CALD1: variants seen among roughly 807,000 people sequenced by gnomAD.
CALD1 encodes the protein caldesmon.
A neutral mutation model predicts 99.9 loss-of-function variants in CALD1; 33 were observed. That is an observed-to-expected ratio of 0.33 (90% confidence interval 0.25 to 0.44). CALD1 has a LOEUF of 0.44. Ranked by LOEUF, CALD1 falls within the 20% of genes least tolerant of loss-of-function variation. The probability of loss-of-function intolerance (pLI) is 1.00; values close to 1 mark genes in which losing one functional copy is unlikely to be tolerated. For synonymous variants in CALD1, 310 were observed against 325.0 expected (o/e 0.95, Z 0.50); for missense variants, 861 against 962.1 (o/e 0.89, Z 1.39).
chr7:134,787,998 C>T (rs1261696697), intron 1 of CALD1, among the ~76,000 whole-genome samples: 1 of 152,136 alleles, frequency 6.6e-6, no homozygotes. Context: ...CATCTGGACT[C>T]AGTCTCCTTC....
chr7:134,791,434 GTGATCTGCCCACTTTGGCCTCTCAAAGT>G (rs1797529877), intron 1 of CALD1, among the ~76,000 whole-genome samples: 1 of 152,160 alleles, frequency 6.6e-6, no homozygotes, highest in South Asian at 2.1e-4. Context: ...CTGACCTCAA[GTGATCTGCCCACTTTGGCCTCTCAAAGT>G]GCTGGGATTA....
intron 1 of CALD1, among the ~76,000 whole-genome samples, chr7:134,815,848 G>C (rs564702241): frequency 6.6e-6 from 1 of 152,216 alleles, no homozygotes; most frequent in Non-Finnish European, 1.5e-5. Context: ...AACATTTTAA[G>C]ATATCTATCC....
chr7:134,934,450 C>T (rs1586356477), intron 5 of CALD1, among the ~76,000 whole-genome samples: 1 of 152,144 alleles, frequency 6.6e-6, no homozygotes, highest in Non-Finnish European at 1.5e-5. Flanking sequence ...AATTATCTTT[C>T]CTCTATCCAT....
chr7:134,890,665 AC>A lies in CALD1; in HGVS notation c.71+22866del, dbSNP rs949293135. The stretch of plus-strand genomic sequence containing the variant: ...GTCATCTCCAGACAGAATCAACACC[AC>A]CCCCTCCTCAGGAACTGGGATTTGG... On this transcript the variant is annotated intron_variant, in intron 3 of 14. Coordinates refer to ENST00000361675, the MANE Select transcript of CALD1 (RefSeq NM_033138.4). Among the ~76,000 whole-genome samples the A allele has an allele frequency of 4.0e-5, 6 of 151,632 alleles. No homozygotes were observed. The East Asian group carries it at 5.8e-4, about 15-fold the overall frequency.
chr7:134,821,506 C>A (rs2132004837), intron 1 of CALD1, among the ~76,000 whole-genome samples: 1 of 151,534 alleles, frequency 6.6e-6, no homozygotes, highest in African/African-American at 2.4e-5. Flanking sequence ...CAATTTATTT[C>A]TGAGTGCTAG....
chr7:134,850,012 C>T (rs146981416), intron 2 of CALD1, among the ~76,000 whole-genome samples: 1 of 152,272 alleles, frequency 6.6e-6, no homozygotes, highest in Non-Finnish European at 1.5e-5. Flanking sequence ...AAGAAATGGT[C>T]AAAGTGTGAA....
exon 1 of CALD1, chr7:134,744,301 A>G (rs1246703174): frequency 6.6e-6 from 1 of 152,224 alleles, no homozygotes; most frequent in African/African-American, 2.4e-5. Context: ...CATTCTCAGG[A>G]GGCAAGACTG....
At chr7:134,964,153 C>T (rs574590294) in intron 13 of CALD1, among the ~76,000 whole-genome samples, 1 of 152,228 alleles carries the variant, frequency 6.6e-6, no homozygotes. Flanking sequence ...GCCGAGATTG[C>T]GCCACTGCAC....
intron 1 of CALD1, among the ~76,000 whole-genome samples, chr7:134,828,592 A>C (rs1799098637): frequency 6.6e-6 from 1 of 152,162 alleles, no homozygotes; most frequent in Non-Finnish European, 1.5e-5. Context: ...GATTCACTAC[A>C]TTCTGAGTAA....
chr7:134,871,493 CA>C lies in CALD1; in HGVS notation c.71+3690del, dbSNP rs760942310. The stretch of plus-strand genomic sequence containing the variant: ...TACTGAGAATAGACCCACAGAGTAA[CA>C]GTGTTGGGAAGTGTGTGCTTAGTGC... On this transcript the variant is annotated intron_variant, in intron 3 of 14. Transcript: ENST00000361675. Among the ~76,000 whole-genome samples the C allele has an allele frequency of 2.0e-5, 3 of 152,122 alleles. No individual in the cohort carries two copies. In the East Asian group the frequency reaches 5.8e-4, roughly 29 times the overall value.
chr7:134,814,673 T>C (rs1362083208), intron 1 of CALD1, among the ~76,000 whole-genome samples: 1 of 152,186 alleles, frequency 6.6e-6, no homozygotes, highest in Non-Finnish European at 1.5e-5. Context: ...CCTTGTTTAA[T>C]GCTTCAGTGC....
At chr7:134,928,150 G>T in intron 3 of CALD1, 2 of 261,130 alleles carry the variant, frequency 7.7e-6, no homozygotes, top group South Asian at 7.0e-5. Flanking sequence ...AATCTTACAA[G>T]GCCAGGCCCG....
the CALD1 span, among the ~76,000 whole-genome samples, chr7:134,717,506 C>A: frequency 1.3e-5 from 2 of 152,286 alleles, no homozygotes; most frequent in Admixed American, 1.3e-4. Context: ...CTGCTTTGAT[C>A]CTGAGAATGA....
chr7:134,798,093 A>G (rs1797815083), intron 1 of CALD1, among the ~76,000 whole-genome samples: 1 of 152,116 alleles, frequency 6.6e-6, no homozygotes, highest in African/African-American at 2.4e-5. Context: ...CTTTATTTGG[A>G]TTGTTTTAGG....
At chr7:134,812,429 T>C (rs1478631236) in intron 1 of CALD1, among the ~76,000 whole-genome samples, 1 of 152,168 alleles carries the variant, frequency 6.6e-6, no homozygotes, top group Non-Finnish European at 1.5e-5. Flanking sequence ...TGTGTGCTGT[T>C]TCCAAGGACC....
At chr7:134,843,620 C>G (rs1799736833) in intron 1 of CALD1, among the ~76,000 whole-genome samples, 1 of 152,148 alleles carries the variant, frequency 6.6e-6, no homozygotes, top group Non-Finnish European at 1.5e-5. Context: ...AGAAACTTGG[C>G]AATTAGATAC....
In CALD1 at chr7:134,947,773, A is replaced by G; in HGVS notation, c.1794+4A>G. ...CGATCGAAAACTCAGAGAGGAGGTAAGGCGGGCGCTAGCCCACTGAGAACG... is the reference window on the plus strand; with the variant it reads ...CGATCGAAAACTCAGAGAGGAGGTAGGGCGGGCGCTAGCCCACTGAGAACG... On this transcript the variant is annotated splice_donor_region_variant and intron_variant, in intron 8 of 14. Coordinates refer to ENST00000361675, the MANE Select transcript of CALD1 (RefSeq NM_033138.4). 1 of 1,612,722 alleles carries G rather than the reference A, an allele frequency of 6.2e-7. No individual in the cohort carries two copies. The highest frequency in any genetic ancestry group is 1.7e-5 in the Admixed American group (1 of 59,800).
chr7:134,846,948 G>A (rs1291521950), intron 2 of CALD1, among the ~76,000 whole-genome samples: 2 of 152,200 alleles, frequency 1.3e-5, no homozygotes, highest in African/African-American at 4.8e-5. Context: ...AAAGCAAGAG[G>A]AAACCCTTTG....
At chr7:134,837,243 A>T (rs1003634151) in intron 1 of CALD1, among the ~76,000 whole-genome samples, 1 of 152,198 alleles carries the variant, frequency 6.6e-6, no homozygotes, top group Admixed American at 6.5e-5. Flanking sequence ...AAAGAAGCTG[A>T]TAATATTAAA....
Sources: gnomAD v4.1 joint callset for allele counts (sites outside exome capture counted in the v4.1 genomes callset) on GRCh38, gnomAD v4.1.1 for gene constraint, MANE v1.5 for transcripts, NCBI Gene and HGNC (gene_info 2026-07-23, HGNC 2026-07-21) for gene names.